Variants in AUTS2 observed in about 807,000 individuals in gnomAD.
The protein encoded by AUTS2 is activator of transcription and developmental regulator AUTS2.
In AUTS2, 17 loss-of-function variants were observed where a neutral mutation model predicts 112.4. That is an observed-to-expected ratio of 0.15 (90% CI 0.10 to 0.23). The LOEUF (loss-of-function observed/expected upper bound fraction) is 0.23. AUTS2 is among the 10% of genes least tolerant of loss of function. The pLI, the probability that AUTS2 is intolerant of heterozygous loss-of-function variation, is 1.00. For missense variants in AUTS2, 1,510 were observed against 1,701.6 expected, an observed-to-expected ratio of 0.89 and a Z score of 1.98; for synonymous variants, 751 against 702.7, an observed-to-expected ratio of 1.07 and a Z score of -1.09.
intron 14 of AUTS2, among the ~76,000 whole-genome samples, chr7:70,779,514 G>A (rs997704592): frequency 2.6e-5 from 4 of 152,212 alleles, no homozygotes; most frequent in African/African-American, 4.8e-5. Context: ...GGTAGCTTTT[G>A]CTTTCAGTAG....
In AUTS2 at chr7:70,781,742, T is replaced by G. The variant is rs1367313636; in HGVS notation, c.2132T>G (p.Leu711Trp). 6.2e-7 allele frequency: 1 copy of G among 1,613,954 alleles called. No homozygotes were observed. Among genetic ancestry groups the G allele is most frequent in the South Asian group, 1.1e-5 (1 of 91,064 alleles). The change falls in exon 15 of 19, where the codon TTG (leucine) becomes TGG (tryptophan). Residue 711 changes from leucine (L) to tryptophan (W), a missense_variant. Leu to Trp is a moderately conservative substitution (Grantham distance 61). Around this residue, in one of 3 missense-constraint regions of AUTS2, gnomAD observed 788 missense variants for 797.6 expected, o/e 0.99. Coordinates refer to ENST00000342771, the MANE Select transcript of AUTS2 (RefSeq NM_015570.4). ...HPHDLARPST[L>W]FSAAGAAHPT... ...CATGACCTGGCACGGCCTTCAACTT[T>G]GTTCTCTGCCGCTGGTGAGTGTGGG...
chr7:69,982,898 G>A (rs1798354980), intron 2 of AUTS2, among the ~76,000 whole-genome samples: 1 of 152,150 alleles, frequency 6.6e-6, no homozygotes, highest in Non-Finnish European at 1.5e-5. Flanking sequence ...TAAATATTTG[G>A]CCAGATTTTA....
chr7:70,731,756 T>G (rs916109207), intron 6 of AUTS2, among the ~76,000 whole-genome samples: 12 of 152,092 alleles, frequency 7.9e-5, no homozygotes, highest in African/African-American at 2.9e-4. Flanking sequence ...ACTCTTAATT[T>G]GTTGCTCCAT....
chr7:70,163,494 A>G (rs759186942), intron 4 of AUTS2, among the ~76,000 whole-genome samples: 10 of 152,136 alleles, frequency 6.6e-5, no homozygotes, highest in South Asian at 2.1e-4. Context: ...TGCAAAAGCC[A>G]TATGCTACTG....
chr7:70,396,222 C>G (rs1794074585), intron 4 of AUTS2, among the ~76,000 whole-genome samples: 1 of 152,116 alleles, frequency 6.6e-6, no homozygotes, highest in Non-Finnish European at 1.5e-5. Context: ...GCCCATTCAC[C>G]CAGCCCCTGC....
intron 4 of AUTS2, among the ~76,000 whole-genome samples, chr7:70,350,795 C>G (rs1791715575): frequency 6.6e-6 from 1 of 152,164 alleles, no homozygotes; most frequent in Non-Finnish European, 1.5e-5. Context: ...ATATTATTAA[C>G]TAGAGTCCTC....
rs879915648 is a variant in AUTS2, at chr7:70,191,983, G to GA, written c.660+57423dup. Among the ~76,000 whole-genome samples the GA allele has an allele frequency of 2.3e-3, 328 of 141,194 alleles. 4 individuals carry two copies. Among genetic ancestry groups the GA allele is most frequent in the Admixed American group, 0.013 (188 of 14,168 alleles). The allele number at this position is 141,194 out of a possible 152,430, so 92.6% of individuals were successfully genotyped here. The stretch of plus-strand genomic sequence containing the variant: ...TCAGGAGGCTGAGGCAGGGGAGAAA[G>GA]AAAAAAAAAAAGAAAAGAGAAAAGT... On this transcript the variant is annotated intron_variant, in intron 4 of 18. Transcript: ENST00000342771.
chr7:69,775,879 C>A (rs1478992193), intron 1 of AUTS2, among the ~76,000 whole-genome samples: 1 of 152,094 alleles, frequency 6.6e-6, no homozygotes, highest in Non-Finnish European at 1.5e-5. Context: ...AGTGCAAATA[C>A]CCCGGTCTCA....
intron 1 of AUTS2, among the ~76,000 whole-genome samples, chr7:69,761,295 C>T (rs575902157): frequency 7.9e-5 from 12 of 152,154 alleles, no homozygotes; most frequent in Non-Finnish European, 1.6e-4. Flanking sequence ...AGTGTGTTTG[C>T]TGTATAAATG....
At chr7:69,885,203 G>A (rs559983755) in intron 1 of AUTS2, among the ~76,000 whole-genome samples, 2 of 152,282 alleles carry the variant, frequency 1.3e-5, no homozygotes, top group South Asian at 2.1e-4. Flanking sequence ...AGTATTTATA[G>A]CTTTCATCAT....
chr7:70,139,728 G>A (rs759044628), intron 4 of AUTS2, among the ~76,000 whole-genome samples: 3 of 152,154 alleles, frequency 2.0e-5, no homozygotes, highest in Admixed American at 6.5e-5. Flanking sequence ...GGCTGGGCAC[G>A]GTGGCTCATG....
intron 5 of AUTS2, among the ~76,000 whole-genome samples, chr7:70,532,454 G>A (rs1244066715): frequency 6.6e-6 from 1 of 152,198 alleles, no homozygotes; most frequent in African/African-American, 2.4e-5. Context: ...CCTGTTATAT[G>A]AAGGTGTAGT....
intron 5 of AUTS2, among the ~76,000 whole-genome samples, chr7:70,539,380 C>T (rs1330673015): frequency 1.3e-5 from 2 of 152,186 alleles, no homozygotes; most frequent in African/African-American, 2.4e-5. Flanking sequence ...TGTGAACTGC[C>T]TAAGCCCAGC....
chr7:70,361,465 T>C (rs1279299670), intron 4 of AUTS2, among the ~76,000 whole-genome samples: 8 of 152,190 alleles, frequency 5.3e-5, no homozygotes, highest in Non-Finnish European at 8.8e-5. Context: ...TAAGCACTTG[T>C]TGTGATCTCC....
At chr7:69,750,637 A>G (rs978662582) in intron 1 of AUTS2, among the ~76,000 whole-genome samples, 3 of 151,982 alleles carry the variant, frequency 2.0e-5, no homozygotes, top group Non-Finnish European at 4.4e-5. Flanking sequence ...CTAGACCCAC[A>G]GGCATGAGCC....
intron 2 of AUTS2, among the ~76,000 whole-genome samples, chr7:69,929,441 G>A (rs1796146591): frequency 6.6e-6 from 1 of 151,570 alleles, no homozygotes; most frequent in South Asian, 2.1e-4. Context: ...ATTTCTTTAA[G>A]GTTTTTTCCC....
At chr7:70,531,561 G>T (rs973406599) in intron 5 of AUTS2, among the ~76,000 whole-genome samples, 4 of 152,134 alleles carry the variant, frequency 2.6e-5, no homozygotes, top group African/African-American at 9.7e-5. Context: ...CATGTCATAT[G>T]GTGAGAGACG....
chr7:69,869,534 A>G (rs975115397), intron 1 of AUTS2, among the ~76,000 whole-genome samples: 5 of 151,978 alleles, frequency 3.3e-5, no homozygotes, highest in African/African-American at 9.7e-5. Context: ...GATCATATAT[A>G]TATATATATA....
chr7:69,672,178 G>A (rs568718721), intron 1 of AUTS2, among the ~76,000 whole-genome samples: 1 of 152,018 alleles, frequency 6.6e-6, no homozygotes. Flanking sequence ...TCCTGCCTCA[G>A]CCTCCTGAGT....
Sources: allele counts gnomAD v4.1 joint callset (sites outside exome capture counted in the v4.1 genomes callset), GRCh38; gene constraint gnomAD v4.1.1; regional missense constraint gnomAD v4.1.1; transcripts MANE v1.5; gene names NCBI Gene and HGNC (gene_info 2026-07-23, HGNC 2026-07-21).